VPS4B: variants seen among roughly 807,000 people sequenced by gnomAD.
VPS4B encodes the protein vacuolar protein sorting-associated protein 4B.
VPS4B carries 23 observed loss-of-function variants against 56.1 expected under a neutral mutation model. The observed-to-expected ratio is 0.41, with a 90% CI of 0.30 to 0.58. The LOEUF (loss-of-function observed/expected upper bound fraction) is 0.58. Among genes scored for constraint, VPS4B ranks in the 20% least tolerant of loss-of-function variants. VPS4B has a pLI of 0.29. For missense variants in VPS4B, 372 were observed against 531.9 expected (o/e 0.70, Z 2.96); for synonymous variants, 177 against 186.0 (o/e 0.95, Z 0.39).
chr18:63,409,591 C>T (rs1204302985), intron 3 of VPS4B, among the ~76,000 whole-genome samples: 2 of 152,310 alleles, frequency 1.3e-5, no homozygotes, highest in East Asian at 3.8e-4. Context: ...GTGCTGAGCA[C>T]AAACTTGGCA....
intron 8 of VPS4B, among the ~76,000 whole-genome samples, chr18:63,397,644 T>C (rs1052839059): frequency 6.6e-5 from 10 of 152,196 alleles, no homozygotes; most frequent in Non-Finnish European, 1.0e-4. Context: ...AAAACAGAAT[T>C]ACCTCACAAT....
chr18:63,391,141 A>G (rs764121938), intron 10 of VPS4B, 65 bp from the exon 11 acceptor site: 21 of 1,064,602 alleles, frequency 2.0e-5, no homozygotes, highest in African/African-American at 3.2e-5. Flanking sequence ...AAAAACCGTC[A>G]TATTATCATT....
chr18:63,394,785 T>C (rs1359499154), intron 9 of VPS4B, among the ~76,000 whole-genome samples: 1 of 152,162 alleles, frequency 6.6e-6, no homozygotes, highest in Non-Finnish European at 1.5e-5. Context: ...CACTTTCACA[T>C]CTGTTTCACA....
intron 4 of VPS4B, among the ~76,000 whole-genome samples, chr18:63,406,065 A>C (rs1455344002): frequency 6.6e-6 from 1 of 152,232 alleles, no homozygotes; most frequent in African/African-American, 2.4e-5. Context: ...GGGGCAGGGT[A>C]GGGAGAGGGA....
chr18:63,410,683 ATTAAG>A (rs1326792412), intron 2 of VPS4B, among the ~76,000 whole-genome samples: 2 of 152,230 alleles, frequency 1.3e-5, no homozygotes, highest in African/African-American at 4.8e-5. Flanking sequence ...AGCAGGGTAT[ATTAAG>A]TTAATGTTAA....
intron 1 of VPS4B, among the ~76,000 whole-genome samples, chr18:63,411,876 G>C (rs541669427): frequency 7.9e-5 from 12 of 152,142 alleles, no homozygotes; most frequent in Admixed American, 7.8e-4. Flanking sequence ...TTTTCACTTA[G>C]CTAAAGTTAA....
At chr18:63,392,009 ACAC>A (rs1259344807) in intron 10 of VPS4B, among the ~76,000 whole-genome samples, 1 of 152,208 alleles carries the variant, frequency 6.6e-6, no homozygotes, top group Non-Finnish European at 1.5e-5. Flanking sequence ...AAAAAATAAT[ACAC>A]CAAGGATTAA....
Position 63,393,465 on chromosome 18 carries a change from C to T in VPS4B, c.1177G>A (p.Glu393Lys). 2 of 1,612,662 alleles carry T rather than the reference C, an allele frequency of 1.2e-6. No individual in the cohort carries two copies. Among genetic ancestry groups the T allele is most frequent in the Non-Finnish European group, 1.7e-6 (2 of 1,179,304 alleles). The change falls in exon 10 of 11, where the codon GAA becomes AAA. Residue 393 changes from glutamate to lysine, a missense_variant. Physicochemically the swap from Glu to Lys is moderately conservative, Grantham distance 56 (BLOSUM62 1). Transcript: ENST00000238497. ...CCAGGGACATCCATCCATGTCATTT[C>T]AATGGCACCAGGGTCACCTGGAGAG... Reference protein sequence around the residue: ...PCSPGDPGAIEMTWMDVPGDK... With the variant: ...PCSPGDPGAIKMTWMDVPGDK...
At chr18:63,409,520 T>C (rs1017777016) in intron 3 of VPS4B, among the ~76,000 whole-genome samples, 1 of 152,204 alleles carries the variant, frequency 6.6e-6, no homozygotes, top group Non-Finnish European at 1.5e-5. Context: ...GTGTGTTACC[T>C]GGAACTACTG....
rs1342560520 is a variant in VPS4B, at chr18:63,414,300, A to G, written c.28-2722T>C. 2.6e-5 allele frequency among the ~76,000 whole-genome samples: 4 copies of G among 151,054 alleles called. No homozygotes were observed. The East Asian group carries it at 7.9e-4, about 30-fold the overall frequency. ...CAGGAGAATCGCTTGAATCCGGGAG[A>G]CAGAGGTTGCAGTGAGCCGAGATCA... On this transcript the variant is annotated intron_variant, in intron 1 of 10. Transcript: ENST00000238497.
chr18:63,398,206 T>C lies in VPS4B; in HGVS notation c.873-953A>G, dbSNP rs201671192. 6.4e-3 allele frequency among the ~76,000 whole-genome samples: 541 copies of C among 84,704 alleles called. 3 individuals carry two copies. Among genetic ancestry groups the C allele is most frequent in the South Asian group, 0.024 (45 of 1,872 alleles). 55.6% of individuals were successfully genotyped at this position (84,704 alleles called of 152,430 possible). ...ATACATATATACACACACACACACA[T>C]ATATATATATATATATATTTTTTTT... On this transcript the variant is annotated intron_variant, in intron 8 of 10. Transcript: ENST00000238497.
At chr18:63,399,470 C>T (rs988287715) in intron 7 of VPS4B, 147 bp from the exon 8 acceptor site, 2 of 654,184 alleles carry the variant, frequency 3.1e-6, no homozygotes, top group Admixed American at 5.9e-5. Flanking sequence ...TGTATTTAAT[C>T]AAATATCACC....
intron 4 of VPS4B, among the ~76,000 whole-genome samples, chr18:63,405,923 C>T (rs1915908054): frequency 6.6e-6 from 1 of 151,720 alleles, no homozygotes; most frequent in African/African-American, 2.4e-5. Context: ...GAGTTCGAGG[C>T]TGCAGTAAGC....
intron 8 of VPS4B, among the ~76,000 whole-genome samples, chr18:63,397,888 G>A (rs1277468488): frequency 6.6e-6 from 1 of 152,136 alleles, no homozygotes; most frequent in African/African-American, 2.4e-5. Context: ...AGTTTCCGTT[G>A]CCTCTAGAGA....
chr18:63,403,600 AATTT>A (rs1456420489), intron 5 of VPS4B, 103 bp downstream of exon 5: 5 of 1,212,160 alleles, frequency 4.1e-6, no homozygotes, highest in Non-Finnish European at 5.6e-6. Context: ...TAACAGTCAC[AATTT>A]ATTTAAGATA....
chr18:63,414,376 G>GAA (rs113627817), intron 1 of VPS4B, among the ~76,000 whole-genome samples: 14 of 143,704 alleles, frequency 9.7e-5, no homozygotes, highest in African/African-American at 3.5e-4. Context: ...TCTCAAAAAA[G>GAA]AAAAAAAAAA....
chr18:63,400,578 G>C lies in VPS4B; in HGVS notation c.610C>G (p.Leu204Val), dbSNP rs755611326. 2 of 1,608,836 alleles carry C rather than the reference G, an allele frequency of 1.2e-6. No homozygotes were observed. The highest frequency in any genetic ancestry group is 2.2e-5 in the South Asian group (2 of 89,372). Residue 204 changes from leucine to valine, a missense_variant, in exon 6 of 11, where the codon CTT (leucine) becomes GTT (valine). Physicochemically the swap from Leu to Val is conservative, Grantham distance 32. Around this residue, in one of 3 missense-constraint regions of VPS4B, gnomAD observed 66 missense variants for 150.7 expected, o/e 0.44. Transcript: ENST00000238497. ...STFFSISSSDLVSKWLGESEK... is the reference protein window; with the variant it reads ...STFFSISSSDVVSKWLGESEK... The stretch of plus-strand genomic sequence containing the variant: ...CTTTCACCTAGCCACTTAGAAACAA[G>C]ATCAGAGGAAGATATTGAAAAAAAT...
At position 63,396,105 on chromosome 18, in the gene VPS4B, G is replaced by A. The variant is rs75872482; in HGVS notation, c.1092+929C>T. On this transcript the variant is annotated intron_variant, in intron 9 of 10. Transcript: ENST00000238497. ...TATTTTTACTTTATGAGGTATAAAT[G>A]CACCAGATTCTACTCAAAAATATTC... Among the ~76,000 whole-genome samples, 53 of 152,276 alleles carry A rather than the reference G, an allele frequency of 3.5e-4. No individual in the cohort carries two copies. In the East Asian group the frequency reaches 8.9e-3, roughly 25 times the overall value.
intron 9 of VPS4B, 126 bp downstream of exon 9, chr18:63,396,908 T>C (rs1232369103): frequency 1.2e-6 from 1 of 842,998 alleles, no homozygotes; most frequent in African/African-American, 1.7e-5. Flanking sequence ...GAGAATTGCT[T>C]GAACCCGGGA....
Sources: allele counts gnomAD v4.1 joint callset (sites outside exome capture counted in the v4.1 genomes callset), GRCh38; gene constraint gnomAD v4.1.1; regional missense constraint gnomAD v4.1.1; transcripts MANE v1.5; gene names NCBI Gene and HGNC (gene_info 2026-07-23, HGNC 2026-07-21).